The following P3H2 variants were observed in gnomAD, a reference collection of about 807,000 sequenced individuals.
P3H2 encodes the protein leprecan-like 1.
Under a neutral mutation model 87.0 loss-of-function variants are expected in P3H2, and 80 were observed. The ratio of observed to expected loss-of-function variants is 0.92; its 90% CI spans 0.77 to 1.11. The LOEUF is 1.11. P3H2 is among the 50% of genes least tolerant of loss of function. P3H2 has a pLI of 0.00. For missense variants in P3H2, 1,001 were observed against 923.9 expected (o/e 1.08, Z -1.08); for synonymous variants, 367 against 359.3 (o/e 1.02, Z -0.24).
chr3:190,118,023 A>G (rs751354437), intron 1 of P3H2, among the ~76,000 whole-genome samples: 6 of 152,158 alleles, frequency 3.9e-5, no homozygotes, highest in Middle Eastern at 3.2e-3. Flanking sequence ...TCATCAGACA[A>G]CACCCAGTAA....
chr3:190,091,747 G>A (rs1727415467), intron 1 of P3H2, among the ~76,000 whole-genome samples: 1 of 152,228 alleles, frequency 6.6e-6, no homozygotes, highest in African/African-American at 2.4e-5. Flanking sequence ...GCAAAGAGAT[G>A]TTGGAGATGC....
chr3:190,122,054 C>G (rs1327194676), upstream of P3H2: 2 of 133,432 alleles, frequency 1.5e-5, no homozygotes, highest in Non-Finnish European at 3.0e-5. Flanking sequence ...ATCATGCAGC[C>G]TGGGTGACAG....
intron 1 of P3H2, among the ~76,000 whole-genome samples, chr3:190,001,809 A>G (rs1724226081): frequency 6.6e-6 from 1 of 152,216 alleles, no homozygotes; most frequent in Non-Finnish European, 1.5e-5. Flanking sequence ...TTACTTGCTA[A>G]AAAGTCTCCA....
chr3:189,973,117 T>A, intron 10 of P3H2, 93 bp from the exon 11 acceptor site: 2 of 1,146,514 alleles, frequency 1.7e-6, no homozygotes, highest in Non-Finnish European at 2.5e-6. Context: ...AATATAGGAT[T>A]GTCATGTCTG....
At chr3:190,026,572 G>A (rs1159079591) in intron 1 of P3H2, among the ~76,000 whole-genome samples, 2 of 152,314 alleles carry the variant, frequency 1.3e-5, no homozygotes, top group East Asian at 3.9e-4. Context: ...TCTAAAAAGC[G>A]GAGGCAGGAA....
At chr3:189,978,028 G>A (rs892496035) in intron 8 of P3H2, among the ~76,000 whole-genome samples, 6 of 152,090 alleles carry the variant, frequency 3.9e-5, no homozygotes, top group South Asian at 2.1e-4. Flanking sequence ...GCATTCCCTC[G>A]AATATTTGGA....
chr3:189,967,670 G>A (rs1034188410), intron 13 of P3H2, among the ~76,000 whole-genome samples: 30 of 151,706 alleles, frequency 2.0e-4, no homozygotes, highest in African/African-American at 6.8e-4. Flanking sequence ...ATCAGATTAC[G>A]GAGTATTAAA....
chr3:189,996,811 T>C (rs952681517), intron 1 of P3H2, among the ~76,000 whole-genome samples: 2 of 152,176 alleles, frequency 1.3e-5, no homozygotes, highest in African/African-American at 4.8e-5. Flanking sequence ...TGCATAAAGA[T>C]GCTAAGAACA....
intron 1 of P3H2, among the ~76,000 whole-genome samples, chr3:190,075,912 C>A (rs1726857525): frequency 6.6e-6 from 1 of 152,122 alleles, no homozygotes; most frequent in African/African-American, 2.4e-5. Context: ...AATGTATTAA[C>A]TTCCCACAAC....
At chr3:190,094,264 A>G (rs964323326) in intron 1 of P3H2, among the ~76,000 whole-genome samples, 2 of 152,248 alleles carry the variant, frequency 1.3e-5, no homozygotes, top group African/African-American at 2.4e-5. Flanking sequence ...ACATCCAAGT[A>G]ACAAGCAGGA....
At chr3:190,110,794 G>T (rs541534622) in intron 1 of P3H2, among the ~76,000 whole-genome samples, 53 of 152,272 alleles carry the variant, frequency 3.5e-4, no homozygotes, top group Admixed American at 1.6e-3. Context: ...AGAAGAATAT[G>T]TCAAAATTGG....
rs139359535 is a variant in P3H2 at position 190,108,131 on chromosome 3, T to C, written c.480+12121A>G. Among the ~76,000 whole-genome samples, 715 of 152,094 alleles carry C rather than the reference T, an allele frequency of 4.7e-3. 5 individuals carry two copies. The highest frequency in any genetic ancestry group is 0.014 in the African/African-American group (599 of 41,436). On this transcript the variant is annotated intron_variant, in intron 1 of 14. Coordinates refer to ENST00000319332, the MANE Select transcript of P3H2 (RefSeq NM_018192.4). ...CTAAAAATTACCAGTATTTTTTAAA[T>C]GGCAGGTTTCACACACCATAATTTT...
intron 5 of P3H2, among the ~76,000 whole-genome samples, chr3:189,987,300 C>T (rs1390760277): frequency 6.6e-6 from 1 of 151,646 alleles, no homozygotes; most frequent in African/African-American, 2.4e-5. Flanking sequence ...CATGGAGAAA[C>T]CCCGTCTCTA....
Position 190,120,300 on chromosome 3 carries a change from G to C in P3H2, c.432C>G (p.Asp144Glu). 6.2e-7 allele frequency: 1 copy of C among 1,609,854 alleles called. No individual in the cohort carries two copies. The highest frequency in any genetic ancestry group is 8.5e-7 in the Non-Finnish European group (1 of 1,179,036). Residue 144 changes from aspartate (D) to glutamate (E), a missense_variant, in exon 1 of 15, where the codon GAC becomes GAG. Coordinates refer to ENST00000319332, the MANE Select transcript of P3H2 (RefSeq NM_018192.4). ...RHRVSEDVRS[D>E]FQRRVPYNYL... ...AGTTGTAGGGCACTCTGCGCTGGAA[G>C]TCGCTGCGCACATCCTCGCTGACGC...
rs1723284607 is a variant in P3H2 at position 189,974,538 on chromosome 3, C to T, written c.1452+20G>A. The T allele has an allele frequency of 1.9e-6, 3 of 1,612,802 alleles. No homozygotes were observed. The highest frequency in any genetic ancestry group is 2.7e-5 in the African/African-American group (2 of 74,902). ...TGGCAGGCCAGCGCAGTGAGCTCCC[C>T]TCCTTCTCCGGATCCTCACACTGGC... is the stretch of plus-strand genomic sequence containing the variant. On this transcript the variant is annotated intron_variant, in intron 9 of 14. Coordinates refer to ENST00000319332, the MANE Select transcript of P3H2 (RefSeq NM_018192.4).
At chr3:189,970,962 AC>A (rs1320765871) in intron 12 of P3H2, 71 bp from the exon 13 acceptor site, 2 of 870,738 alleles carry the variant, frequency 2.3e-6, no homozygotes, top group Middle Eastern at 2.2e-4. Context: ...AATACTGAAG[AC>A]TGGTGATGTA....
intron 3 of P3H2, among the ~76,000 whole-genome samples, chr3:189,991,495 A>C (rs997721196): frequency 2.8e-4 from 43 of 152,210 alleles, no homozygotes; most frequent in African/African-American, 8.4e-4. Context: ...TCCTTCCTTC[A>C]TTCATTCATT....
At chr3:190,039,189 CA>C (rs3062148) in intron 1 of P3H2, among the ~76,000 whole-genome samples, 2 of 147,108 alleles carry the variant, frequency 1.4e-5, no homozygotes, top group South Asian at 2.2e-4. Flanking sequence ...AACTCCATCT[CA>C]AAAAAAAAAA....
At chr3:190,022,995 T>G (rs1724976601) in intron 1 of P3H2, among the ~76,000 whole-genome samples, 1 of 151,566 alleles carries the variant, frequency 6.6e-6, no homozygotes, top group Admixed American at 6.6e-5. Flanking sequence ...CCTGGCTAAT[T>G]TTTTGTATTT....
Sources: allele counts gnomAD v4.1 joint callset (sites outside exome capture counted in the v4.1 genomes callset), GRCh38; gene constraint gnomAD v4.1.1; transcripts MANE v1.5; gene names NCBI Gene and HGNC (gene_info 2026-07-23, HGNC 2026-07-21).